The following THOC2 variants were observed in gnomAD, a reference collection of about 807,000 sequenced individuals.
The protein encoded by THOC2 is THO complex subunit 2.
A neutral mutation model predicts 128.4 loss-of-function variants in THOC2; 10 were observed. The observed-to-expected ratio is 0.08, with a 90% CI of 0.05 to 0.13. THOC2 has a LOEUF of 0.13. THOC2 is among the 10% of genes least tolerant of loss of function. The pLI, the probability that THOC2 is intolerant of heterozygous loss-of-function variation, is 1.00. For missense variants in THOC2, 535 were observed against 1,155.7 expected (o/e 0.46, Z 7.79); for synonymous variants, 393 against 396.9 (o/e 0.99, Z 0.12).
rs775391693 is a variant in THOC2, at chrX:123,652,955, G to A, written c.1387-7580C>T. On this transcript the variant is annotated intron_variant, in intron 12 of 38. Transcript: ENST00000245838. ...TTCATAAGGAACCAAAAAAGAGCTCGTGTACCCAAGACAATCCTAAGCAAA... is the reference window on the plus strand; with the variant it reads ...TTCATAAGGAACCAAAAAAGAGCTCATGTACCCAAGACAATCCTAAGCAAA... Among the ~76,000 whole-genome samples, 10 of 111,684 alleles carry A rather than the reference G, an allele frequency of 9.0e-5. No homozygotes were observed. The Admixed American group carries it at 9.5e-4, about 11-fold the overall frequency.
chrX:123,652,405 C>T (rs765595536), intron 12 of THOC2, among the ~76,000 whole-genome samples: 2 of 111,818 alleles, frequency 1.8e-5, no homozygotes, highest in South Asian at 7.5e-4. Flanking sequence ...CATTCCTATT[C>T]AACATAGTAT....
At chrX:123,636,317 A>G in intron 18 of THOC2, 142 bp from the exon 19 acceptor site, 1 of 457,191 alleles carries the variant, frequency 2.2e-6, no homozygotes, top group South Asian at 3.7e-5. Flanking sequence ...TAATAACAAT[A>G]ACCAATATTT....
intron 4 of THOC2, among the ~76,000 whole-genome samples, chrX:123,700,362 G>A (rs931461711): frequency 1.8e-4 from 19 of 107,397 alleles, no homozygotes; most frequent in African/African-American, 5.1e-4. Context: ...TTAGCTAGGC[G>A]TGCTGGCACA....
Position 123,632,864 on chromosome X carries a change from G to A in THOC2, c.2313C>T (p.Asp771=). ...KHLKLVGKLY[D]QCHDTLVQFG... ...CATAAAAGCCACTTTAACTTGCCTG[G>A]TCATAGAGCTTTCCCACAAGTTTCA... The change falls in exon 21 of 39, where the codon GAC becomes GAT. Residue 771 remains aspartate (D), a synonymous_variant. Coordinates refer to ENST00000245838, the MANE Select transcript of THOC2 (RefSeq NM_001081550.2). 5 of 1,204,623 alleles carry A rather than the reference G, an allele frequency of 4.2e-6. No homozygotes were observed. Among genetic ancestry groups the A allele is most frequent in the Non-Finnish European group, 5.6e-6 (5 of 889,938 alleles).
intron 33 of THOC2, among the ~76,000 whole-genome samples, chrX:123,619,141 T>C (rs73546042): frequency 0.026 from 2,857 of 111,976 alleles, 84 homozygotes; most frequent in African/African-American, 0.088. Context: ...AAGGAGAAGG[T>C]ATAACACAGC....
intron 12 of THOC2, among the ~76,000 whole-genome samples, chrX:123,650,375 G>C (rs1419908262): frequency 8.9e-6 from 1 of 111,839 alleles, no homozygotes; most frequent in Non-Finnish European, 1.9e-5. Flanking sequence ...AAAGACCATC[G>C]ACACTATGAA....
intron 36 of THOC2, 90 bp from the exon 37 acceptor site, chrX:123,611,606 T>C: frequency 3.6e-6 from 2 of 554,330 alleles, no homozygotes; most frequent in Admixed American, 3.3e-5. Context: ...GAGCTATATT[T>C]GTCTTCAAAA....
At chrX:123,698,874 C>T (rs761078866) in intron 4 of THOC2, among the ~76,000 whole-genome samples, 1 of 78,067 alleles carries the variant, frequency 1.3e-5, no homozygotes, top group Admixed American at 1.5e-4. Flanking sequence ...GACTCTGTCT[C>T]AAAAAAAAAA....
chrX:123,624,197 G>C lies in THOC2; in HGVS notation c.3187-6C>G. ...CCTGGATAGTTTCCACATTCCTAAG[G>C]AAACAATGTTTGTCACTTTTAAAGA... On this transcript the variant is annotated splice_polypyrimidine_tract_variant and splice_region_variant and intron_variant, in intron 26 of 38. Coordinates refer to ENST00000245838, the MANE Select transcript of THOC2 (RefSeq NM_001081550.2). The C allele has an allele frequency of 8.6e-7, 1 of 1,169,207 alleles. No individual in the cohort carries two copies. The highest frequency in any genetic ancestry group is 1.1e-6 in the Non-Finnish European group (1 of 879,735).
intron 25 of THOC2, 45 bp downstream of exon 25, chrX:123,625,867 C>T (rs1421220466): frequency 1.8e-6 from 2 of 1,133,805 alleles, no homozygotes; most frequent in South Asian, 1.9e-5. Flanking sequence ...ATAATGTTAG[C>T]TATCTTTGTG....
intron 12 of THOC2, among the ~76,000 whole-genome samples, chrX:123,650,255 G>T (rs2147731602): frequency 8.9e-6 from 1 of 111,849 alleles, no homozygotes; most frequent in East Asian, 2.8e-4. Flanking sequence ...TCAAGCAAAT[G>T]CTGAGAGATT....
In THOC2 at chrX:123,630,612, C is replaced by CAAAA. The variant is rs57639724; in HGVS notation, c.2481+1072_2481+1075dup. ...TGGAAGACAGAGCGAGACTCCATCT[C>CAAAA]AAAAAAAAAAAAAAAAAAAAAAAAA... On this transcript the variant is annotated intron_variant, in intron 22 of 38. Transcript: ENST00000245838. 7.5e-4 allele frequency among the ~76,000 whole-genome samples: 12 copies of CAAAA among 16,062 alleles called. 1 individual carries two copies. The highest frequency in any genetic ancestry group is 2.3e-3 in the East Asian group (1 of 433). The allele number at this position is 16,062 out of a possible 115,157, so 13.9% of individuals were successfully genotyped here. A position where few individuals can be genotyped will look rare whatever the true frequency, so the allele number is the denominator to read the frequency against.
intron 4 of THOC2, among the ~76,000 whole-genome samples, chrX:123,700,544 T>TGGGGGGGGGGGGGGGGGG (rs1216548328): frequency 4.4e-5 from 1 of 22,941 alleles, no homozygotes; most frequent in Admixed American, 5.4e-4. Context: ...GGTGAGGGGG[T>TGGGGGGGGGGGGGGGGGG]GGGGGGGGGT....
rs1236073817 is a variant in THOC2 at position 123,622,851 on chromosome X, C to T, written c.3692G>A (p.Arg1231Lys). 8.5e-7 allele frequency: 1 copy of T among 1,175,486 alleles called. No individual in the cohort carries two copies. Among genetic ancestry groups the T allele is most frequent in the Non-Finnish European group, 1.1e-6 (1 of 869,765 alleles). The part of the protein sequence containing the change: ...ESSTEETDKS[R>K]ERSQCGVKAV... Reference sequence around the variant, plus strand: ...TTTCACACCACACTGAGATCTCTCCCTTGATTTATCTGAAATAAAAGTAAG... The same window carrying T: ...TTTCACACCACACTGAGATCTCTCCTTTGATTTATCTGAAATAAAAGTAAG... The change falls in exon 30 of 39, where the codon AGG becomes AAG. Residue 1231 changes from arginine (R) to lysine (K), a missense_variant. By Grantham distance (26) the Arg-to-Lys change is conservative. Transcript: ENST00000245838.
chrX:123,634,198 C>A (rs1251121022), intron 19 of THOC2, 128 bp from the exon 20 acceptor site: 1 of 382,656 alleles, frequency 2.6e-6, no homozygotes, highest in African/African-American at 2.6e-5. Context: ...GGGGCTGAAG[C>A]AGTTTTTAAC....
At chrX:123,683,622 G>A in intron 8 of THOC2, among the ~76,000 whole-genome samples, 1 of 105,783 alleles carries the variant, frequency 9.5e-6, no homozygotes, top group African/African-American at 3.5e-5. Flanking sequence ...TTTTGAGACA[G>A]AGTTTCGCTC....
At chrX:123,727,090 C>A (rs1788750333) in intron 1 of THOC2, among the ~76,000 whole-genome samples, 1 of 110,378 alleles carries the variant, frequency 9.1e-6, no homozygotes, top group Non-Finnish European at 1.9e-5. Context: ...GTGGCATGCA[C>A]CTGTAGCCCT....
chrX:123,690,430 C>T (rs1023546766), intron 7 of THOC2, among the ~76,000 whole-genome samples: 1 of 111,953 alleles, frequency 8.9e-6, no homozygotes, highest in African/African-American at 3.2e-5. Flanking sequence ...AAAATGTTTA[C>T]GCTACCCTTG....
chrX:123,669,555 A>T (rs1159301973), intron 9 of THOC2, among the ~76,000 whole-genome samples: 1 of 111,048 alleles, frequency 9.0e-6, no homozygotes, highest in Non-Finnish European at 1.9e-5. Flanking sequence ...ACCTCAGATG[A>T]TCTGCCCGCC....
Sources: gnomAD v4.1 joint callset for allele counts (sites outside exome capture counted in the v4.1 genomes callset) on GRCh38, gnomAD v4.1.1 for gene constraint, MANE v1.5 for transcripts, NCBI Gene and HGNC (gene_info 2026-07-23, HGNC 2026-07-21) for gene names.